The following MYH13 variants were observed in gnomAD, a reference collection of about 807,000 sequenced individuals.
MYH13 encodes myosin-13.
In MYH13, 177 loss-of-function variants were observed where a neutral mutation model predicts 232.1. That is an observed-to-expected ratio of 0.76 (90% CI 0.67 to 0.86). The LOEUF (loss-of-function observed/expected upper bound fraction) is 0.86, where lower values mean the gene tolerates loss of function less well. Ranked by LOEUF, MYH13 falls within the 40% of genes least tolerant of loss-of-function variation. The pLI, the probability that MYH13 is intolerant of heterozygous loss-of-function variation, is 0.00. For synonymous variants in MYH13, 884 were observed against 923.5 expected (o/e 0.96, Z 0.78); for missense variants, 2,246 against 2,405.9 (o/e 0.93, Z 1.39).
rs927703506 is a variant in MYH13, at chr17:10,301,148, C to T, written c.5803-183G>A. Among the ~76,000 whole-genome samples, 4 of 152,190 alleles carry T rather than the reference C, an allele frequency of 2.6e-5. No individual in the cohort carries two copies. In the East Asian group the frequency reaches 7.7e-4, roughly 29 times the overall value. ...AGCTACTGGCGACAGGACAAACGCCCTGCAAAACAGGGGCTTCATGGGCAG... is the reference window on the plus strand; with the variant it reads ...AGCTACTGGCGACAGGACAAACGCCTTGCAAAACAGGGGCTTCATGGGCAG... On this transcript the variant is annotated intron_variant, in intron 40 of 40. Coordinates refer to ENST00000252172, the MANE Select transcript of MYH13 (RefSeq NM_003802.3).
At chr17:10,327,755 T>G (rs998008757) in intron 22 of MYH13, 111 bp downstream of exon 22, 1 of 1,370,958 alleles carries the variant, frequency 7.3e-7, no homozygotes, top group African/African-American at 1.5e-5. Flanking sequence ...ACATGACCAC[T>G]GGGTGGCACC....
Position 10,321,492 on chromosome 17 carries a change from A to G in MYH13, c.3111+40T>C, listed in dbSNP as rs767694873. On this transcript the variant is annotated intron_variant, in intron 24 of 40. Coordinates refer to ENST00000252172, the MANE Select transcript of MYH13 (RefSeq NM_003802.3). ...GACTGTCTCTTGTCTGTGCTTCCAC[A>G]AGTGATAAATGCTAAAGCATAGTAG... 1.9e-6 allele frequency: 3 copies of G among 1,577,566 alleles called. No individual in the cohort carries two copies. The Admixed American group carries it at 5.2e-5, about 28-fold the overall frequency.
At chr17:10,327,571 T>G (rs1378003974) in intron 22 of MYH13, among the ~76,000 whole-genome samples, 1 of 152,214 alleles carries the variant, frequency 6.6e-6, no homozygotes, top group East Asian at 1.9e-4. Context: ...TGCATATACA[T>G]ATGACACATA....
At chr17:10,353,191 G>C (rs2071723316) in intron 11 of MYH13, among the ~76,000 whole-genome samples, 1 of 152,160 alleles carries the variant, frequency 6.6e-6, no homozygotes, top group Non-Finnish European at 1.5e-5. Flanking sequence ...CATGTTGCTG[G>C]GTGGAGCTCT....
At chr17:10,305,324 T>G (rs770085982) in intron 37 of MYH13, among the ~76,000 whole-genome samples, 2 of 152,134 alleles carry the variant, frequency 1.3e-5, no homozygotes, top group Non-Finnish European at 2.9e-5. Context: ...AGGCCTAAAC[T>G]CATTGTAGTG....
chr17:10,325,256 C>T (rs1907162081), intron 22 of MYH13, among the ~76,000 whole-genome samples: 1 of 152,234 alleles, frequency 6.6e-6, no homozygotes, highest in Non-Finnish European at 1.5e-5. Context: ...TGGAAAATGA[C>T]TCATCTACTC....
At chr17:10,331,814 C>T (rs1484581882) in intron 20 of MYH13, among the ~76,000 whole-genome samples, 1 of 152,188 alleles carries the variant, frequency 6.6e-6, no homozygotes, top group African/African-American at 2.4e-5. Flanking sequence ...ATGTTCTCCT[C>T]TCTCTTCAGC....
rs2142237723 is a variant in MYH13, at chr17:10,324,052, A to T, written c.2904T>A (p.Val968=). 1 of 1,613,876 alleles carries T rather than the reference A, an allele frequency of 6.2e-7. No homozygotes were observed. The highest frequency in any genetic ancestry group is 1.1e-5 in the South Asian group (1 of 91,054). Reference sequence around the variant, plus strand: ...TCTCTGTGGCATGCTTCTCCTTTTCAACTTTCGTCAAGGTCAGCTCCAGGT... The same window carrying T: ...TCTCTGTGGCATGCTTCTCCTTTTCTACTTTCGTCAAGGTCAGCTCCAGGT... ...IDDLELTLTK[V]EKEKHATENK... The change falls in exon 23 of 41, where the codon GTT becomes GTA. Residue 968 remains valine (V), a synonymous_variant. Coordinates refer to ENST00000252172, the MANE Select transcript of MYH13 (RefSeq NM_003802.3).
chr17:10,316,139 A>G, intron 27 of MYH13, 114 bp from the exon 28 acceptor site: 1 of 1,345,888 alleles, frequency 7.4e-7, no homozygotes, highest in South Asian at 1.5e-5. Context: ...AAATAAAAGT[A>G]CAGAACAAAA....
intron 23 of MYH13, among the ~76,000 whole-genome samples, chr17:10,322,218 T>C (rs868053469): frequency 1.1e-4 from 15 of 139,704 alleles, no homozygotes; most frequent in Admixed American, 6.3e-4. Context: ...TCGTGAAACC[T>C]CGTCTCTACT....
In MYH13 at chr17:10,306,407, G is replaced by A. The variant is rs1906286766; in HGVS notation, c.5466+52C>T. The A allele has an allele frequency of 3.7e-6, 6 of 1,610,552 alleles. No individual in the cohort carries two copies. The highest frequency in any genetic ancestry group is 5.1e-6 in the Non-Finnish European group (6 of 1,177,846). ...CCACCATCTCAGTTTCTGGACTGTG[G>A]TTCTGTCCGAGGCTGTCACTTTCAG... On this transcript the variant is annotated intron_variant, in intron 37 of 40. Transcript: ENST00000252172. This position sits in a 1 kb window ranked among gnomAD's most constrained non-coding sequence, Gnocchi z 4.3.
intron 20 of MYH13, among the ~76,000 whole-genome samples, chr17:10,331,489 C>T (rs369617921): frequency 3.3e-5 from 5 of 152,328 alleles, no homozygotes; most frequent in Admixed American, 1.3e-4. Context: ...ACTCCCACCT[C>T]GCTGGTTAGT....
intron 12 of MYH13, among the ~76,000 whole-genome samples, chr17:10,347,781 C>G (rs1275639219): frequency 7.3e-6 from 1 of 137,852 alleles, no homozygotes; most frequent in Non-Finnish European, 1.5e-5. Context: ...TGCAGTGGCG[C>G]GATCTCAGCT....
intron 11 of MYH13, 188 bp from the exon 12 acceptor site, chr17:10,350,882 G>A: frequency 1.5e-5 from 10 of 679,786 alleles, no homozygotes; most frequent in Admixed American, 4.2e-5. Context: ...GGTGGGTGAA[G>A]ACTATGGGAA....
chr17:10,306,630 C>T lies in MYH13; in HGVS notation c.5296-1G>A. The T allele has an allele frequency of 1.9e-6, 3 of 1,614,014 alleles. No individual in the cohort carries two copies. Among genetic ancestry groups the T allele is most frequent in the Non-Finnish European group, 2.5e-6 (3 of 1,180,026 alleles). ...TTAGCTCCTCAGCCATCATGGCAGC[C>T]TGGTTAAGTTCACAGGACACATCAG... On this transcript the variant is annotated splice_acceptor_variant, in intron 36 of 40. Transcript: ENST00000252172. LOFTEE classifies it high-confidence loss of function. This position sits in a 1 kb window ranked among gnomAD's most constrained non-coding sequence, Gnocchi z 4.3.
chr17:10,323,918 G>T, intron 23 of MYH13, 104 bp downstream of exon 23: 1 of 1,446,902 alleles, frequency 6.9e-7, no homozygotes. Flanking sequence ...TCATTTCTGG[G>T]CAATGTTATA....
chr17:10,312,186 G>A, intron 31 of MYH13, 110 bp from the exon 32 acceptor site: 1 of 1,236,614 alleles, frequency 8.1e-7, no homozygotes, highest in Non-Finnish European at 1.1e-6. Flanking sequence ...TCCATCCTTA[G>A]GGACTGAAGA....
intron 15 of MYH13, 42 bp downstream of exon 15, chr17:10,345,160 C>T (rs2088813500): frequency 1.2e-6 from 2 of 1,613,610 alleles, no homozygotes; most frequent in Non-Finnish European, 1.7e-6. Context: ...GGGGAGGGCC[C>T]CCAATAAGGA....
At chr17:10,365,303 C>G (rs766406775) in intron 2 of MYH13, among the ~76,000 whole-genome samples, 1 of 152,168 alleles carries the variant, frequency 6.6e-6, no homozygotes, top group Non-Finnish European at 1.5e-5. Context: ...TGGTTAGCCC[C>G]GTGAAAAGTG....
Sources: allele counts gnomAD v4.1 joint callset (sites outside exome capture counted in the v4.1 genomes callset), GRCh38; gene constraint gnomAD v4.1.1; non-coding constraint Gnocchi (gnomAD v3.1); transcripts MANE v1.5; gene names NCBI Gene and HGNC (gene_info 2026-07-23, HGNC 2026-07-21).